ERBB4: variants seen among roughly 807,000 people sequenced by gnomAD.
ERBB4 encodes the protein erb-b2 receptor tyrosine kinase 4.
A neutral mutation model predicts 158.0 loss-of-function variants in ERBB4; 42 were observed. The ratio of observed to expected loss-of-function variants is 0.27; its 90% CI spans 0.21 to 0.34. The LOEUF (loss-of-function observed/expected upper bound fraction) is 0.34, where lower values mean the gene tolerates loss of function less well. Ranked by LOEUF, ERBB4 falls within the 10% of genes least tolerant of loss-of-function variation. The pLI is 1.00. For synonymous variants in ERBB4, 583 were observed against 558.7 expected (o/e 1.04, Z -0.61); for missense variants, 1,333 against 1,624.1 (o/e 0.82, Z 3.08).
chr2:212,420,498 T>A (rs963719381), intron 1 of ERBB4, among the ~76,000 whole-genome samples: 32 of 152,284 alleles, frequency 2.1e-4, no homozygotes, highest in Admixed American at 2.0e-3. Context: ...AAGTCATGCA[T>A]GTATTTTAAT....
intron 1 of ERBB4, among the ~76,000 whole-genome samples, chr2:212,172,283 G>A (rs1341452964): frequency 4.6e-5 from 5 of 108,354 alleles, no homozygotes; most frequent in Non-Finnish European, 1.0e-4. Flanking sequence ...CCAAGGTTGT[G>A]GAGAAAAAGG....
chr2:211,449,612 C>T (rs961175232), intron 20 of ERBB4, among the ~76,000 whole-genome samples: 1 of 152,058 alleles, frequency 6.6e-6, no homozygotes, highest in Non-Finnish European at 1.5e-5. Flanking sequence ...GCCCTTATCC[C>T]TAATTAATAT....
chr2:211,702,768 G>A (rs1463936115), intron 11 of ERBB4, among the ~76,000 whole-genome samples: 1 of 151,972 alleles, frequency 6.6e-6, no homozygotes, highest in Non-Finnish European at 1.5e-5. Context: ...GGGTATCTGG[G>A]GAAAAGGTCT....
rs1451681180 is a variant in ERBB4 at position 211,972,672 on chromosome 2, T to A, written c.235-25056A>T. ...AATGGAGAAATGACTCCTGATTCAA[T>A]AAATGGTAGTGGGATAACTGGCCAG... On this transcript the variant is annotated intron_variant, in intron 2 of 27. Transcript: ENST00000342788. Among the ~76,000 whole-genome samples the A allele has an allele frequency of 2.6e-5, 4 of 152,166 alleles. No individual in the cohort carries two copies. In the East Asian group the frequency reaches 7.7e-4, roughly 29 times the overall value.
At chr2:211,603,453 GA>G (rs538689580) in intron 19 of ERBB4, among the ~76,000 whole-genome samples, 16 of 151,532 alleles carry the variant, frequency 1.1e-4, no homozygotes, top group Non-Finnish European at 1.8e-4. Context: ...CAATCATACT[GA>G]AAAAAAATCA....
intron 1 of ERBB4, among the ~76,000 whole-genome samples, chr2:212,278,534 C>T (rs1002228002): frequency 1.3e-5 from 2 of 151,584 alleles, no homozygotes; most frequent in African/African-American, 4.8e-5. Context: ...TTAGGCCACA[C>T]CAGCAAGAAA....
At chr2:211,571,382 T>C (rs370056374) in intron 19 of ERBB4, among the ~76,000 whole-genome samples, 11 of 152,286 alleles carry the variant, frequency 7.2e-5, no homozygotes, top group African/African-American at 2.4e-4. Flanking sequence ...TTTGTCATGA[T>C]TTGATTTAGT....
intron 25 of ERBB4, 148 bp downstream of exon 25, chr2:211,420,293 C>A (rs2063487412): frequency 1.6e-6 from 1 of 641,678 alleles, no homozygotes; most frequent in South Asian, 1.9e-5. Context: ...GCAAGATTGG[C>A]ACATCTTTTG....
intron 1 of ERBB4, among the ~76,000 whole-genome samples, chr2:212,318,248 T>C (rs2106256917): frequency 6.6e-6 from 1 of 151,706 alleles, no homozygotes; most frequent in South Asian, 2.1e-4. Flanking sequence ...ATGTATTGTC[T>C]ATAAATACAC....
At chr2:211,512,589 A>C (rs1212145267) in intron 20 of ERBB4, among the ~76,000 whole-genome samples, 1 of 152,106 alleles carries the variant, frequency 6.6e-6, no homozygotes, top group African/African-American at 2.4e-5. Context: ...TTGAACATAC[A>C]CAAATTTCCC....
At chr2:212,191,730 GTTATACA>G (rs2082230961) in intron 1 of ERBB4, among the ~76,000 whole-genome samples, 1 of 145,414 alleles carries the variant, frequency 6.9e-6, no homozygotes, top group African/African-American at 2.5e-5. Flanking sequence ...TATAACACGT[GTTATACA>G]TGTTACATAT....
intron 4 of ERBB4, among the ~76,000 whole-genome samples, chr2:211,756,649 C>T (rs1028476316): frequency 3.3e-5 from 5 of 152,276 alleles, no homozygotes; most frequent in Admixed American, 6.5e-5. Flanking sequence ...ACTTTAGTAG[C>T]TTGTGCAAGA....
chr2:211,568,914 A>C (rs150882951), intron 19 of ERBB4, among the ~76,000 whole-genome samples: 1 of 152,220 alleles, frequency 6.6e-6, no homozygotes, highest in Admixed American at 6.5e-5. Flanking sequence ...GATGGTATGA[A>C]GATAATAAAA....
At chr2:211,987,915 C>A (rs1212414395) in intron 2 of ERBB4, among the ~76,000 whole-genome samples, 2 of 152,124 alleles carry the variant, frequency 1.3e-5, no homozygotes, top group Admixed American at 1.3e-4. Flanking sequence ...TTATACAGTT[C>A]AGAACTCGCC....
chr2:211,457,548 G>A (rs1314678861), intron 20 of ERBB4, among the ~76,000 whole-genome samples: 1 of 152,198 alleles, frequency 6.6e-6, no homozygotes, highest in Non-Finnish European at 1.5e-5. Context: ...CAAGGTTAGA[G>A]CTGAGCCTTG....
At chr2:211,679,800 C>T (rs972760451) in intron 12 of ERBB4, among the ~76,000 whole-genome samples, 4 of 152,138 alleles carry the variant, frequency 2.6e-5, no homozygotes, top group African/African-American at 4.8e-5. Flanking sequence ...CTGCCTCAGC[C>T]TCCTGAGTAG....
At chr2:211,887,130 T>C (rs912255838) in intron 3 of ERBB4, among the ~76,000 whole-genome samples, 1 of 152,158 alleles carries the variant, frequency 6.6e-6, no homozygotes, top group Admixed American at 6.6e-5. Context: ...AGCCCTGTAA[T>C]AGGTCCACTC....
At chr2:212,301,095 ATTG>A (rs772810691) in intron 1 of ERBB4, among the ~76,000 whole-genome samples, 1 of 148,462 alleles carries the variant, frequency 6.7e-6, no homozygotes, top group Non-Finnish European at 1.5e-5. Context: ...CTGGATCATT[ATTG>A]TTAGATGGTT....
At chr2:212,233,488 T>C (rs1345439963) in intron 1 of ERBB4, among the ~76,000 whole-genome samples, 9 of 152,124 alleles carry the variant, frequency 5.9e-5, no homozygotes, top group Admixed American at 5.9e-4. Flanking sequence ...TTACTGAGTA[T>C]TATGGAAAGG....
Sources: allele counts gnomAD v4.1 joint callset (sites outside exome capture counted in the v4.1 genomes callset), GRCh38; gene constraint gnomAD v4.1.1; transcripts MANE v1.5; gene names NCBI Gene and HGNC (gene_info 2026-07-23, HGNC 2026-07-21).